MED12: variants seen among roughly 807,000 people sequenced by gnomAD.
MED12 encodes mediator complex subunit 12.
In MED12, 10 loss-of-function variants were observed where a neutral mutation model predicts 177.7. The ratio of observed to expected loss-of-function variants is 0.06; its 90% CI spans 0.03 to 0.10. MED12 has a LOEUF of 0.10. MED12 is among the 10% of genes least tolerant of loss of function. MED12 has a pLI of 1.00. For missense variants in MED12, 867 were observed against 1,780.8 expected, an observed-to-expected ratio of 0.49 and a Z score of 9.23; for synonymous variants, 641 against 678.4, an observed-to-expected ratio of 0.94 and a Z score of 0.86.
chrX:71,119,924 T>TA (rs769505270), intron 3 of MED12, 47 bp downstream of exon 3: 1 of 1,202,328 alleles, frequency 8.3e-7, no homozygotes, highest in South Asian at 1.8e-5. Flanking sequence ...GAGCATGGGG[T>TA]ACCAAGTACC....
intron 6 of MED12, 43 bp downstream of exon 6, chrX:71,121,480 A>G: frequency 2.5e-6 from 3 of 1,209,370 alleles, no homozygotes; most frequent in African/African-American, 3.5e-5. Flanking sequence ...GGGGGAGTCT[A>G]AGAAGAATTT....
chrX:71,139,805 A>C (rs918023484), intron 41 of MED12, among the ~76,000 whole-genome samples: 1 of 110,163 alleles, frequency 9.1e-6, no homozygotes, highest in Non-Finnish European at 1.9e-5. Flanking sequence ...GGGCTGAGGC[A>C]AGAGAATCAC....
At position 71,130,186 on chromosome X, in the gene MED12, A is replaced by G. The variant is rs1256565755; in HGVS notation, c.4019A>G (p.Gln1340Arg). Residue 1340 changes from glutamine (Q) to arginine (R), a missense_variant, in exon 28 of 45, where the codon CAG (glutamine) becomes CGG (arginine). Gln to Arg is a conservative substitution (Grantham distance 43). This residue lies in a region of MED12 where 46 missense variants were observed against 71.7 expected (regional missense o/e 0.64). Coordinates refer to ENST00000374080, the MANE Select transcript of MED12 (RefSeq NM_005120.3). ...GACAATGAGGATGGGGAAAACCCCC[A>G]GCGGCAGCGCATAAAGCGCATTCTC... Reference protein sequence around the residue: ...LLDNEDGENPQRQRIKRILQN... With the variant: ...LLDNEDGENPRRQRIKRILQN... 8.3e-7 allele frequency: 1 copy of G among 1,207,769 alleles called. No homozygotes were observed. The highest frequency in any genetic ancestry group is 1.1e-6 in the Non-Finnish European group (1 of 893,827).
rs901541873 is a variant in MED12 at position 71,140,711 on chromosome X, G to A, written c.6121G>A (p.Gly2041Ser). The change falls in exon 42 of 45, where the codon GGC (glycine) becomes AGC (serine). Residue 2041 changes from glycine (G) to serine (S), a missense_variant. Gly to Ser is a moderately conservative substitution (Grantham distance 56). Around this residue, in one of 14 missense-constraint regions of MED12, gnomAD observed 236 missense variants for 345.2 expected, o/e 0.68. Transcript: ENST00000374080. Reference protein sequence around the residue: ...TPMSAQGVQAGVRSTAILPEQ... With the variant: ...TPMSAQGVQASVRSTAILPEQ... ...AATGAGTGCCCAGGGCGTCCAGGCAGGCGTCCGTTCAACAGCCATCCTACC... is the reference window on the plus strand; with the variant it reads ...AATGAGTGCCCAGGGCGTCCAGGCAAGCGTCCGTTCAACAGCCATCCTACC... 2.4e-5 allele frequency: 29 copies of A among 1,207,194 alleles called. No individual in the cohort carries two copies. Among genetic ancestry groups the A allele is most frequent in the Non-Finnish European group, 3.0e-5 (27 of 894,533 alleles).
chrX:71,124,499 CT>C, intron 13 of MED12, 111 bp downstream of exon 13: 1 of 613,563 alleles, frequency 1.6e-6, no homozygotes, highest in Non-Finnish European at 2.6e-6. Context: ...TAGTATTTTT[CT>C]TAGCACTTGG....
Position 71,128,958 on chromosome X carries a change from C to G in MED12, c.3476-156C>G, listed in dbSNP as rs1023399551. The G allele has an allele frequency of 1.1e-5, 6 of 561,906 alleles. No homozygotes were observed. The Admixed American group carries it at 1.6e-4, about 15-fold the overall frequency. 46.3% of individuals were successfully genotyped at this position (561,906 alleles called of 1,213,427 possible). ...TGCGTAACAGTTCTCTGCTCTACCT[C>G]GCTTTCAATATTATCTTGCTTTTTC... On this transcript the variant is annotated intron_variant, in intron 24 of 44. Transcript: ENST00000374080.
At chrX:71,132,762 T>TCTCTCCTCTC in intron 31 of MED12, 83 bp from the exon 32 acceptor site, 2 of 733,566 alleles carry the variant, frequency 2.7e-6, no homozygotes, top group Non-Finnish European at 3.9e-6. Flanking sequence ...CCTCTCCTCT[T>TCTCTCCTCTC]CTCTCCTCTT....
intron 17 of MED12, 98 bp from the exon 18 acceptor site, chrX:71,125,938 C>A: frequency 1.9e-6 from 1 of 535,536 alleles, no homozygotes; most frequent in Admixed American, 2.3e-5. Flanking sequence ...TCTCTCCCTC[C>A]CTCCCTCCCA....
chrX:71,136,409 G>A lies in MED12; in HGVS notation c.5154G>A (p.Glu1718=). 8.3e-7 allele frequency: 1 copy of A among 1,211,055 alleles called. No individual in the cohort carries two copies. The highest frequency in any genetic ancestry group is 1.1e-6 in the Non-Finnish European group (1 of 895,267). Residue 1718 remains glutamate, a synonymous_variant, in exon 37 of 45, where the codon GAG becomes GAA. Transcript: ENST00000374080. ...VRVDRRVARG[E]EQQRLLLYHT... is the part of the protein sequence containing the mutation. ...TGGACCGGCGAGTGGCTCGAGGAGA[G>A]GAGCAGCAGCGGTTGCTGCTCTACC...
At position 71,119,856 on chromosome X, in the gene MED12, A is replaced by G; in HGVS notation, c.375A>G (p.Pro125=). 8.3e-7 allele frequency: 1 copy of G among 1,211,140 alleles called. No individual in the cohort carries two copies. Among genetic ancestry groups the G allele is most frequent in the Non-Finnish European group, 1.1e-6 (1 of 895,270 alleles). Residue 125 remains proline, a synonymous_variant, in exon 3 of 45, where the codon CCA becomes CCG. Coordinates refer to ENST00000374080, the MANE Select transcript of MED12 (RefSeq NM_005120.3). The part of the protein sequence containing the change: ...TWFTDLAGTK[P]LTQLAKKVPI... ...TCACTGACTTGGCTGGCACCAAGCC[A>G]CTCACGCAACTAGCCAAAAAGGTAA...
At chrX:71,127,865 T>C in intron 21 of MED12, 28 bp from the exon 22 acceptor site, 1 of 1,138,630 alleles carries the variant, frequency 8.8e-7, no homozygotes, top group East Asian at 3.0e-5. Context: ...TCTTCAACAC[T>C]ACTATCTCCT....
Position 71,127,348 on chromosome X carries a change from C to T in MED12, c.2862C>T (p.Val954=), listed in dbSNP as rs748251157. 1.2e-5 allele frequency: 14 copies of T among 1,211,520 alleles called. No individual in the cohort carries two copies. Among genetic ancestry groups the T allele is most frequent in the South Asian group, 3.5e-5 (2 of 56,956 alleles). ...MAQVFEGLCG[V]VKHGMNRSDG... is the part of the protein sequence containing the mutation. ...CTTCTTCATGCAGGCTGTGTGGCGT[C>T]GTGAAGCATGGGATGAACCGGTCCG... Residue 954 remains valine, a synonymous_variant, in exon 21 of 45, where the codon GTC becomes GTT. Transcript: ENST00000374080.
At position 71,142,155 on chromosome X, in the gene MED12, T is replaced by C. The variant is rs377247868; in HGVS notation, c.6491-20T>C. ...CCCCTGCCTGGTCTTCCATCCCTGA[T>C]AATCTCTGGTTTTTCACAGATACCC... On this transcript the variant is annotated intron_variant, in intron 44 of 44. Transcript: ENST00000374080. 54 of 1,206,162 alleles carry C rather than the reference T, an allele frequency of 4.5e-5. No individual in the cohort carries two copies. The highest frequency in any genetic ancestry group is 5.8e-5 in the Non-Finnish European group (52 of 892,173).
At chrX:71,133,348 T>C in intron 33 of MED12, 136 bp downstream of exon 33, 1 of 474,247 alleles carries the variant, frequency 2.1e-6, no homozygotes, top group Non-Finnish European at 3.6e-6. Context: ...TTTTTTTTTT[T>C]TTGGAGTCAG....
chrX:71,119,104 A>C (rs2092282605), intron 1 of MED12, among the ~76,000 whole-genome samples: 1 of 110,368 alleles, frequency 9.1e-6, no homozygotes, highest in African/African-American at 3.3e-5. Context: ...AAGTTGTCTG[A>C]GACAGCTTGG....
At position 71,131,539 on chromosome X, in the gene MED12, C is replaced by T; in HGVS notation, c.4048-11C>T. 8.3e-7 allele frequency: 1 copy of T among 1,209,907 alleles called. No homozygotes were observed. The highest frequency in any genetic ancestry group is 3.0e-5 in the East Asian group (1 of 33,818). ...ATGATGACTAGCCTGGGTGTGGGGC[C>T]TCTATCACAGAACTTGGACCAGTGG... On this transcript the variant is annotated splice_polypyrimidine_tract_variant and intron_variant, in intron 28 of 44. Coordinates refer to ENST00000374080, the MANE Select transcript of MED12 (RefSeq NM_005120.3).
chrX:71,130,634 A>G (rs1245090916), intron 28 of MED12, among the ~76,000 whole-genome samples: 1 of 112,731 alleles, frequency 8.9e-6, no homozygotes, highest in Non-Finnish European at 1.9e-5. Flanking sequence ...TGACCCTATG[A>G]AGTAGGTGAG....
Position 71,134,423 on chromosome X carries a change from C to T in MED12, c.4684C>T (p.Leu1562=). The part of the protein sequence containing the change: ...QQTTEWAMLL[L]EIIISGTVDM... ...GACCACGGAGTGGGCCATGCTCCTCCTGGAGATCATCATCAGCGGCACTGT... is the reference window on the plus strand; with the variant it reads ...GACCACGGAGTGGGCCATGCTCCTCTTGGAGATCATCATCAGCGGCACTGT... Residue 1562 remains leucine, a synonymous_variant, in exon 34 of 45, where the codon CTG becomes TTG. Coordinates refer to ENST00000374080, the MANE Select transcript of MED12 (RefSeq NM_005120.3). 1.7e-6 allele frequency: 2 copies of T among 1,168,003 alleles called. No homozygotes were observed. The highest frequency in any genetic ancestry group is 2.3e-6 in the Non-Finnish European group (2 of 870,483).
At chrX:71,140,178 C>G (rs773711631) in intron 41 of MED12, among the ~76,000 whole-genome samples, 3 of 101,375 alleles carry the variant, frequency 3.0e-5, no homozygotes, top group Non-Finnish European at 6.0e-5. Context: ...CTCCCAGGTT[C>G]AAGCAATTCT....
Sources: allele counts gnomAD v4.1 joint callset (sites outside exome capture counted in the v4.1 genomes callset), GRCh38; gene constraint gnomAD v4.1.1; regional missense constraint gnomAD v4.1.1; transcripts MANE v1.5; gene names NCBI Gene and HGNC (gene_info 2026-07-23, HGNC 2026-07-21).